Variants in CYS1 observed in about 807,000 individuals in gnomAD.
CYS1 encodes cystin-1.
CYS1 carries 5 observed loss-of-function variants against 9.6 expected under a neutral mutation model. That is an observed-to-expected ratio of 0.52 (90% CI 0.27 to 1.10). CYS1 has a LOEUF of 1.10. CYS1 is among the 50% of genes least tolerant of loss of function. CYS1 has a pLI of 0.11. For missense variants in CYS1, 221 were observed against 207.9 expected (o/e 1.06, Z -0.39); for synonymous variants, 88 against 95.7 (o/e 0.92, Z 0.47).
intron 1 of CYS1, among the ~76,000 whole-genome samples, chr2:10,071,416 T>C (rs1558359890): frequency 6.6e-6 from 1 of 152,176 alleles, no homozygotes; most frequent in South Asian, 2.1e-4. Context: ...GACCTGACTT[T>C]GCACTGCTCA....
chr2:10,075,020 G>C (rs553472986), intron 1 of CYS1, among the ~76,000 whole-genome samples: 3 of 152,272 alleles, frequency 2.0e-5, no homozygotes, highest in Admixed American at 1.3e-4. Flanking sequence ...GCTGAGACAG[G>C]AGAATTGCTG....
At chr2:10,060,118 G>C (rs899555610) in intron 2 of CYS1, among the ~76,000 whole-genome samples, 1 of 152,266 alleles carries the variant, frequency 6.6e-6, no homozygotes, top group African/African-American at 2.4e-5. Context: ...TGCCTCGGAA[G>C]GGGGTGTGCA....
intron 1 of CYS1, among the ~76,000 whole-genome samples, chr2:10,066,459 C>T (rs972944198): frequency 1.3e-5 from 2 of 152,240 alleles, no homozygotes; most frequent in Non-Finnish European, 2.9e-5. Flanking sequence ...TTGCCCAGAA[C>T]CCTCTCCCTC....
chr2:10,068,733 A>G (rs2125289687), intron 1 of CYS1, among the ~76,000 whole-genome samples: 1 of 152,346 alleles, frequency 6.6e-6, no homozygotes, highest in Middle Eastern at 3.4e-3. Flanking sequence ...AAATGGTCAT[A>G]AAACGACTCA....
Position 10,080,092 on chromosome 2 carries a change from C to T in CYS1, c.132G>A (p.Glu44=), listed in dbSNP as rs1462792994. The part of the protein sequence containing the change: ...TRRRVPVAAA[E]VPGAAAEEAP... ...CCTCCTCCGCGGCTGCCCCCGGGAC[C>T]TCGGCCGCCGCCACCGGCACCCGCC... The change falls in exon 1 of 3, where the codon GAG becomes GAA. Residue 44 remains glutamate, a synonymous_variant. Transcript: ENST00000381813. The surrounding 1 kb of genome is among the most constrained non-coding windows in gnomAD (Gnocchi z 6.4). 9.7e-7 allele frequency: 1 copy of T among 1,027,848 alleles called. No homozygotes were observed. The highest frequency in any genetic ancestry group is 1.2e-6 in the Non-Finnish European group (1 of 859,608). The allele number at this position is 1,027,848 out of a possible 1,614,324, so 63.7% of individuals were successfully genotyped here.
In CYS1 at chr2:10,080,316, T is replaced by C; in HGVS notation, c.-93A>G. The stretch of plus-strand genomic sequence containing the variant: ...GCTAGGGGGTGCGGCCGGGGCGGGC[T>C]GCAGGGGGAGGCGCGGGGCGAGGTC... On this transcript the variant is annotated 5_prime_UTR_variant, in exon 1 of 3. Transcript: ENST00000381813. This position sits in a 1 kb window ranked among gnomAD's most constrained non-coding sequence, Gnocchi z 6.4. 1.3e-6 allele frequency: 1 copy of C among 786,882 alleles called. No individual in the cohort carries two copies. The highest frequency in any genetic ancestry group is 1.5e-6 in the Non-Finnish European group (1 of 647,622). The allele number at this position is 786,882 out of a possible 1,614,324, so 48.7% of individuals were successfully genotyped here. A position where few individuals can be genotyped will look rare whatever the true frequency, so the allele number is the denominator to read the frequency against.
rs1468694391 is a variant in CYS1 at position 10,079,799 on chromosome 2, G to C, written c.318+107C>G. 6 of 692,378 alleles carry C rather than the reference G, an allele frequency of 8.7e-6. No individual in the cohort carries two copies. In the East Asian group the frequency reaches 4.2e-4, roughly 48 times the overall value. The allele number at this position is 692,378 out of a possible 1,614,324, so 42.9% of individuals were successfully genotyped here. ...GCAGCGGGGAGCACGCAAGTCGGAG[G>C]CTGGAAGGGGGCGCAGCGCGACCGG... On this transcript the variant is annotated intron_variant, in intron 1 of 2. Coordinates refer to ENST00000381813, the MANE Select transcript of CYS1 (RefSeq NM_001037160.3).
chr2:10,064,677 C>A lies in CYS1; in HGVS notation c.371+1227G>T, dbSNP rs375229131. ...TCCTTCCTCTCTCCTCGGCGAACTCCTGTACGTCCTTCAAGCCATATTATT... is the reference window on the plus strand; with the variant it reads ...TCCTTCCTCTCTCCTCGGCGAACTCATGTACGTCCTTCAAGCCATATTATT... On this transcript the variant is annotated intron_variant, in intron 2 of 2. Coordinates refer to ENST00000381813, the MANE Select transcript of CYS1 (RefSeq NM_001037160.3). Among the ~76,000 whole-genome samples the A allele has an allele frequency of 1.7e-3, 262 of 152,036 alleles. 2 individuals carry two copies. Among genetic ancestry groups the A allele is most frequent in the African/African-American group, 6.0e-3 (250 of 41,486 alleles).
chr2:10,079,044 A>G (rs1661899844), intron 1 of CYS1, among the ~76,000 whole-genome samples: 1 of 152,228 alleles, frequency 6.6e-6, no homozygotes, highest in Non-Finnish European at 1.5e-5. Flanking sequence ...ATCTTGTTAT[A>G]TAATTCAGCC....
chr2:10,065,882 G>T, intron 2 of CYS1, 22 bp downstream of exon 2: 8 of 1,613,884 alleles, frequency 5.0e-6, no homozygotes, highest in Non-Finnish European at 6.8e-6. Context: ...TTCTGGGAGA[G>T]ATGTGCCTCC....
chr2:10,077,237 C>G (rs1046153214), intron 1 of CYS1, among the ~76,000 whole-genome samples: 2 of 152,152 alleles, frequency 1.3e-5, no homozygotes, highest in African/African-American at 4.8e-5. Flanking sequence ...ACAACCCCAG[C>G]TTCTGTGCCT....
chr2:10,064,683 G>A (rs926091701), intron 2 of CYS1, among the ~76,000 whole-genome samples: 3 of 151,626 alleles, frequency 2.0e-5, no homozygotes, highest in South Asian at 2.1e-4. Context: ...ACTCCTGTAC[G>A]TCCTTCAAGC....
intron 1 of CYS1, among the ~76,000 whole-genome samples, chr2:10,071,895 TTGTA>T (rs1661772861): frequency 6.6e-6 from 1 of 152,114 alleles, no homozygotes; most frequent in African/African-American, 2.4e-5. Context: ...TGCGCCCTGT[TTGTA>T]TGTGTATGTT....
chr2:10,058,572 G>C lies in CYS1; in HGVS notation c.*281C>G. 2.8e-6 allele frequency: 1 copy of C among 358,200 alleles called. No homozygotes were observed. The highest frequency in any genetic ancestry group is 5.1e-6 in the Non-Finnish European group (1 of 194,920). The allele number at this position is 358,200 out of a possible 1,614,324, so 22.2% of individuals were successfully genotyped here. ...AGAGGGGCACGCATTTCAGGCTCCA[G>C]AAGAACTGGGCAGGCTCCCCGCGTT... On this transcript the variant is annotated 3_prime_UTR_variant, in exon 3 of 3. Coordinates refer to ENST00000381813, the MANE Select transcript of CYS1 (RefSeq NM_001037160.3).
At chr2:10,073,251 C>G (rs868294898) in intron 1 of CYS1, among the ~76,000 whole-genome samples, 7 of 150,180 alleles carry the variant, frequency 4.7e-5, no homozygotes. Flanking sequence ...GTCCAGGGCC[C>G]GTCTCCACTG....
intron 2 of CYS1, among the ~76,000 whole-genome samples, chr2:10,062,469 C>T (rs1247018335): frequency 3.3e-5 from 5 of 151,990 alleles, no homozygotes; most frequent in African/African-American, 4.8e-5. Context: ...TCTGCGATCT[C>T]GGCTCATTGC....
intron 1 of CYS1, among the ~76,000 whole-genome samples, chr2:10,069,723 A>T (rs1017677085): frequency 9.8e-5 from 15 of 152,320 alleles, no homozygotes; most frequent in Admixed American, 2.6e-4. Context: ...AGGTTTCATG[A>T]GCCTAATGGA....
At chr2:10,059,617 C>T (rs1558356076) in intron 2 of CYS1, among the ~76,000 whole-genome samples, 2 of 152,154 alleles carry the variant, frequency 1.3e-5, no homozygotes, top group African/African-American at 4.8e-5. Context: ...TGGCTTGAAC[C>T]CAGGAAGTGG....
At chr2:10,062,077 G>A (rs1260493796) in intron 2 of CYS1, among the ~76,000 whole-genome samples, 1 of 150,612 alleles carries the variant, frequency 6.6e-6, no homozygotes, top group Non-Finnish European at 1.5e-5. Context: ...GCAGGATCAC[G>A]GCTCACCATA....
Sources: allele counts gnomAD v4.1 joint callset (sites outside exome capture counted in the v4.1 genomes callset), GRCh38; gene constraint gnomAD v4.1.1; non-coding constraint Gnocchi (gnomAD v3.1); transcripts MANE v1.5; gene names NCBI Gene and HGNC (gene_info 2026-07-23, HGNC 2026-07-21).